SNTG1: variants seen among roughly 807,000 people sequenced by gnomAD.
SNTG1 encodes the protein gamma-1-syntrophin.
Under a neutral mutation model 74.7 loss-of-function variants are expected in SNTG1, and 39 were observed. The observed-to-expected ratio is 0.52, with a 90% CI of 0.40 to 0.68. The LOEUF is 0.68. SNTG1 is among the 30% of genes least tolerant of loss of function. The pLI is 0.00. For missense variants in SNTG1, 685 were observed against 609.5 expected (o/e 1.12, Z -1.30); for synonymous variants, 254 against 217.1 (o/e 1.17, Z -1.49).
intron 1 of SNTG1, among the ~76,000 whole-genome samples, chr8:49,980,683 C>T (rs1339041099): frequency 6.6e-6 from 1 of 151,782 alleles, no homozygotes; most frequent in Admixed American, 6.6e-5. Flanking sequence ...TTATATTATA[C>T]ATTATAATTG....
chr8:50,742,047 T>C (rs749050256), intron 17 of SNTG1, among the ~76,000 whole-genome samples: 8 of 152,008 alleles, frequency 5.3e-5, no homozygotes, highest in Non-Finnish European at 7.4e-5. Flanking sequence ...TGTAGGTTCG[T>C]AGATTATAAC....
intron 17 of SNTG1, among the ~76,000 whole-genome samples, chr8:50,740,833 A>C (rs1347508191): frequency 1.3e-5 from 2 of 151,962 alleles, no homozygotes; most frequent in Non-Finnish European, 2.9e-5. Context: ...GATCATTTAC[A>C]TTGCAGGCAC....
chr8:50,153,522 T>A (rs565289434), intron 1 of SNTG1, among the ~76,000 whole-genome samples: 2 of 152,168 alleles, frequency 1.3e-5, no homozygotes, highest in Admixed American at 6.5e-5. Flanking sequence ...TTTTTCCCCA[T>A]CTTTGTGGTT....
At chr8:50,005,469 C>T (rs1342676047) in intron 1 of SNTG1, among the ~76,000 whole-genome samples, 1 of 70,548 alleles carries the variant, frequency 1.4e-5, no homozygotes, top group Non-Finnish European at 3.6e-5. Context: ...ACAGGTATTA[C>T]TGCAAAAAAA....
chr8:50,181,872 T>C (rs1392882889), intron 2 of SNTG1, among the ~76,000 whole-genome samples: 1 of 152,198 alleles, frequency 6.6e-6, no homozygotes, highest in East Asian at 1.9e-4. Flanking sequence ...AGGAAAGCTA[T>C]TGATTTTCCT....
At chr8:50,710,756 C>A (rs760113119) in intron 17 of SNTG1, among the ~76,000 whole-genome samples, 1 of 152,106 alleles carries the variant, frequency 6.6e-6, no homozygotes, top group East Asian at 1.9e-4. Context: ...GTTCTGGGAA[C>A]GAGTGCGTAG....
At chr8:50,765,391 C>T (rs1158576676) in intron 18 of SNTG1, among the ~76,000 whole-genome samples, 2 of 152,110 alleles carry the variant, frequency 1.3e-5, no homozygotes, top group East Asian at 3.9e-4. Flanking sequence ...CTGCCAGCCT[C>T]TCCACTATCT....
rs559873386 is a variant in SNTG1 at position 50,118,850 on chromosome 8, T to A, written c.-102-53711T>A. On this transcript the variant is annotated intron_variant, in intron 1 of 18. Coordinates refer to ENST00000642720, the MANE Select transcript of SNTG1 (RefSeq NM_018967.5). Reference sequence around the variant, plus strand: ...TGCTCAGTCAGAATCCAAAAATTAATTTCTTTAAATTAAAAGACTTGGAGG... The same window carrying A: ...TGCTCAGTCAGAATCCAAAAATTAAATTCTTTAAATTAAAAGACTTGGAGG... Among the ~76,000 whole-genome samples the A allele has an allele frequency of 2.8e-5, 4 of 142,144 alleles. 1 individual carries two copies. Among genetic ancestry groups the A allele is most frequent in the Non-Finnish European group, 6.3e-5 (4 of 63,900 alleles). 93.3% of individuals were successfully genotyped at this position (142,144 alleles called of 152,430 possible). A position where few individuals can be genotyped will look rare whatever the true frequency, so the allele number is the denominator to read the frequency against.
At chr8:50,407,369 G>A (rs1258104234) in intron 4 of SNTG1, among the ~76,000 whole-genome samples, 1 of 152,184 alleles carries the variant, frequency 6.6e-6, no homozygotes, top group Non-Finnish European at 1.5e-5. Flanking sequence ...ATGCTCTGAA[G>A]TCCTGGGTGG....
chr8:50,241,930 A>G (rs1230270822), intron 2 of SNTG1, among the ~76,000 whole-genome samples: 1 of 151,946 alleles, frequency 6.6e-6, no homozygotes, highest in Non-Finnish European at 1.5e-5. Context: ...TGAGGTTCTC[A>G]CTGCAAACAC....
intron 18 of SNTG1, among the ~76,000 whole-genome samples, chr8:50,780,436 G>T (rs573359520): frequency 3.3e-5 from 5 of 152,178 alleles, no homozygotes; most frequent in Non-Finnish European, 5.9e-5. Flanking sequence ...TCTTGGTAGC[G>T]TGTATGTGTC....
chr8:50,660,989 T>A (rs2131293248), intron 15 of SNTG1, among the ~76,000 whole-genome samples: 1 of 152,312 alleles, frequency 6.6e-6, no homozygotes, highest in South Asian at 2.1e-4. Flanking sequence ...CTTGTATTCA[T>A]TGAGTCCACT....
At chr8:50,214,092 G>A (rs1563749811) in intron 2 of SNTG1, among the ~76,000 whole-genome samples, 1 of 151,798 alleles carries the variant, frequency 6.6e-6, no homozygotes, top group Admixed American at 6.6e-5. Context: ...AAAATGATGA[G>A]TTCATGTCCT....
At chr8:50,667,202 A>C (rs1363449910) in intron 15 of SNTG1, among the ~76,000 whole-genome samples, 1 of 152,136 alleles carries the variant, frequency 6.6e-6, no homozygotes, top group Non-Finnish European at 1.5e-5. Flanking sequence ...TATTTCCAGC[A>C]GACTGTAATT....
chr8:50,655,404 CTTA>C (rs1320040884), intron 13 of SNTG1, among the ~76,000 whole-genome samples: 1 of 152,052 alleles, frequency 6.6e-6, no homozygotes, highest in Admixed American at 6.6e-5. Context: ...ATAGCTGGTT[CTTA>C]TTATGTTATT....
intron 10 of SNTG1, among the ~76,000 whole-genome samples, chr8:50,534,823 A>G (rs1373210404): frequency 6.6e-6 from 1 of 152,156 alleles, no homozygotes. Flanking sequence ...AAATATGAAC[A>G]TAGTAATAGC....
chr8:50,220,456 C>T (rs529371101), intron 2 of SNTG1, among the ~76,000 whole-genome samples: 6 of 152,072 alleles, frequency 3.9e-5, no homozygotes, highest in Admixed American at 1.3e-4. Context: ...GAGGACCAAA[C>T]AGAAAGGAAT....
chr8:50,073,380 T>C (rs767162483), intron 1 of SNTG1, among the ~76,000 whole-genome samples: 1 of 152,180 alleles, frequency 6.6e-6, no homozygotes, highest in Non-Finnish European at 1.5e-5. Context: ...ATCTTCATGC[T>C]CTACTTCTAA....
At chr8:50,707,139 A>G (rs548012994) in intron 16 of SNTG1, among the ~76,000 whole-genome samples, 62 of 152,126 alleles carry the variant, frequency 4.1e-4, no homozygotes, top group Non-Finnish European at 7.5e-4. Context: ...TAGCACATCT[A>G]TTTGTTTCAA....
Sources: allele counts gnomAD v4.1 joint callset (sites outside exome capture counted in the v4.1 genomes callset), GRCh38; gene constraint gnomAD v4.1.1; transcripts MANE v1.5; gene names NCBI Gene and HGNC (gene_info 2026-07-23, HGNC 2026-07-21).